The following AK9 variants were observed in gnomAD, a reference collection of about 807,000 sequenced individuals.
The protein encoded by AK9 is adenylate kinase domain containing 1.
Under a neutral mutation model 239.6 loss-of-function variants are expected in AK9, and 191 were observed. That is an observed-to-expected ratio of 0.80 (90% CI 0.71 to 0.90). The LOEUF is 0.90. AK9 is among the 40% of genes least tolerant of loss of function. AK9 has a pLI of 0.00. For synonymous variants in AK9, 689 were observed against 721.0 expected, an observed-to-expected ratio of 0.96 and a Z score of 0.71; for missense variants, 1,995 against 2,214.7, an observed-to-expected ratio of 0.90 and a Z score of 1.99.
intron 19 of AK9, among the ~76,000 whole-genome samples, chr6:109,583,162 T>C (rs1357948958): frequency 6.6e-6 from 1 of 152,166 alleles, no homozygotes; most frequent in Non-Finnish European, 1.5e-5. Flanking sequence ...ATTTCCAAGC[T>C]ATGCCTGTAC....
intron 5 of AK9, 139 bp downstream of exon 5, chr6:109,671,780 G>T: frequency 1.5e-6 from 1 of 662,838 alleles, no homozygotes; most frequent in Non-Finnish European, 2.6e-6. Context: ...AACCATCTGA[G>T]CTGTTCAACT....
Position 109,516,030 on chromosome 6 carries a change from C to A in AK9, c.3892G>T (p.Ala1298Ser). The A allele has an allele frequency of 6.4e-7, 1 of 1,551,222 alleles. No homozygotes were observed. Among genetic ancestry groups the A allele is most frequent in the Non-Finnish European group, 8.7e-7 (1 of 1,146,630 alleles). Residue 1298 changes from alanine to serine, a missense_variant, in exon 31 of 41, where the codon GCT becomes TCT. Coordinates refer to ENST00000424296, the MANE Select transcript of AK9 (RefSeq NM_001145128.3). ...TATTGTACAATGTGATTTCTCCGAG[C>A]TCCATTAATGGAAATTATTGGTATC... ...YLIPIISINGARRNHIVQYTL... is the reference protein window; with the variant it reads ...YLIPIISINGSRRNHIVQYTL...
In AK9 at chr6:109,495,407, T is replaced by G. The variant is rs1359995946; in HGVS notation, c.5349A>C (p.Pro1783=). The change falls in exon 39 of 41, where the codon CCA becomes CCC. Residue 1783 remains proline (P), a synonymous_variant. Transcript: ENST00000424296. The part of the protein sequence containing the change: ...SPLKYWEQKL[P]HKLPPLREPI... The stretch of plus-strand genomic sequence containing the variant: ...GTTCCCTTAATGGGGGAAGCTTGTG[T>G]GGAAGCTTCTGTTCCCAGTATTTCA... 6.2e-7 allele frequency: 1 copy of G among 1,613,652 alleles called. No homozygotes were observed. The highest frequency in any genetic ancestry group is 1.7e-5 in the Admixed American group (1 of 59,870).
chr6:109,532,282 T>TCCCTGTACCTTCCTC (rs1781376990), intron 28 of AK9, among the ~76,000 whole-genome samples: 1 of 152,206 alleles, frequency 6.6e-6, no homozygotes, highest in African/African-American at 2.4e-5. Flanking sequence ...AAATATACTT[T>TCCCTGTACCTTCCTC]CCCTGTACCT....
At chr6:109,635,113 A>AT (rs2128277673) in intron 10 of AK9, among the ~76,000 whole-genome samples, 1 of 152,274 alleles carries the variant, frequency 6.6e-6, no homozygotes, top group East Asian at 1.9e-4. Flanking sequence ...CAGTAGAAGA[A>AT]TAAAAAAAAA....
In AK9 at chr6:109,677,165, A is replaced by C. The variant is rs921425986; in HGVS notation, c.-11-1409T>G. ...ACTATGCTTATTATCTGAGTGATGAAATAATCTGTGCACCAAACTCCTATG... is the reference window on the plus strand; with the variant it reads ...ACTATGCTTATTATCTGAGTGATGACATAATCTGTGCACCAAACTCCTATG... On this transcript the variant is annotated intron_variant, in intron 1 of 40. Transcript: ENST00000424296. 2.0e-5 allele frequency among the ~76,000 whole-genome samples: 3 copies of C among 152,270 alleles called. No individual in the cohort carries two copies. In the South Asian group the frequency reaches 6.2e-4, roughly 32 times the overall value.
rs1771404227 is a variant in AK9 at position 109,674,431 on chromosome 6, A to C, written c.118-170T>G. 2.0e-5 allele frequency among the ~76,000 whole-genome samples: 3 copies of C among 152,174 alleles called. No homozygotes were observed. In the South Asian group the frequency reaches 6.2e-4, roughly 31 times the overall value. The stretch of plus-strand genomic sequence containing the variant: ...GATACGTATAGTTTAGTTTTTCTTT[A>C]CTAATTTTTGCATATGTCACATCTC... On this transcript the variant is annotated intron_variant, in intron 2 of 40. Coordinates refer to ENST00000424296, the MANE Select transcript of AK9 (RefSeq NM_001145128.3).
chr6:109,537,298 T>C (rs558221777), intron 27 of AK9, among the ~76,000 whole-genome samples: 1 of 152,228 alleles, frequency 6.6e-6, no homozygotes, highest in African/African-American at 2.4e-5. Flanking sequence ...TATTGGGTGA[T>C]TCAGGGATTC....
intron 12 of AK9, among the ~76,000 whole-genome samples, chr6:109,628,560 T>A (rs1795794122): frequency 6.6e-6 from 1 of 152,214 alleles, no homozygotes; most frequent in Non-Finnish European, 1.5e-5. Context: ...ATTTAAAGAT[T>A]CTTAAAAAGA....
At position 109,619,238 on chromosome 6, in the gene AK9, T is replaced by C; in HGVS notation, c.1255-2A>G. 1 of 1,537,610 alleles carries C rather than the reference T, an allele frequency of 6.5e-7. No individual in the cohort carries two copies. The highest frequency in any genetic ancestry group is 8.7e-7 in the Non-Finnish European group (1 of 1,143,114). On this transcript the variant is annotated splice_acceptor_variant, in intron 12 of 40. Transcript: ENST00000424296. LOFTEE classifies it high-confidence loss of function. Reference sequence around the variant, plus strand: ...AACAAGTTGGGCATAGTCGACTACCTGCAAAGAATATTTGAGAAAATCGAC... The same window carrying C: ...AACAAGTTGGGCATAGTCGACTACCCGCAAAGAATATTTGAGAAAATCGAC...
chr6:109,531,207 C>CAAAATGGAGTTTTA (rs1781202427), intron 28 of AK9, among the ~76,000 whole-genome samples: 1 of 152,044 alleles, frequency 6.6e-6, no homozygotes, highest in South Asian at 2.1e-4. Flanking sequence ...GTGGCTTGAT[C>CAAAATGGAGTTTTA]AAAATGGAGT....
intron 1 of AK9, among the ~76,000 whole-genome samples, chr6:109,684,575 C>A (rs1229985478): frequency 6.6e-6 from 1 of 151,370 alleles, no homozygotes; most frequent in Non-Finnish European, 1.5e-5. Context: ...ACAACCCCAT[C>A]AAAAAGTAGG....
chr6:109,578,453 T>C (rs1788407927), intron 20 of AK9, among the ~76,000 whole-genome samples: 1 of 152,214 alleles, frequency 6.6e-6, no homozygotes, highest in South Asian at 2.1e-4. Context: ...CAATTTTGCT[T>C]ATCTTTTCAA....
chr6:109,559,369 G>T (rs1314578479), intron 24 of AK9, among the ~76,000 whole-genome samples: 1 of 151,802 alleles, frequency 6.6e-6, no homozygotes, highest in Admixed American at 6.6e-5. Context: ...GGGTTTCACC[G>T]TGTTAGCCAG....
At chr6:109,599,623 T>C (rs1791616033) in intron 17 of AK9, among the ~76,000 whole-genome samples, 1 of 152,138 alleles carries the variant, frequency 6.6e-6, no homozygotes, top group South Asian at 2.1e-4. Flanking sequence ...AAGTCATTGG[T>C]AGCTTGATGG....
At chr6:109,516,782 G>C (rs1421408077) in intron 29 of AK9, 140 bp from the exon 30 acceptor site, 1 of 732,866 alleles carries the variant, frequency 1.4e-6, no homozygotes. Context: ...AACGCAATAA[G>C]GTTTTAAATA....
intron 9 of AK9, 85 bp downstream of exon 9, chr6:109,644,529 T>C (rs1797805519): frequency 8.5e-7 from 1 of 1,171,652 alleles, no homozygotes; most frequent in African/African-American, 1.6e-5. Context: ...ATAAATATGC[T>C]TCTGTTTATT....
intron 1 of AK9, among the ~76,000 whole-genome samples, chr6:109,677,282 T>A (rs1771897971): frequency 6.6e-6 from 1 of 152,154 alleles, no homozygotes; most frequent in South Asian, 2.1e-4. Flanking sequence ...AAATATTTTT[T>A]AAAAATAGTA....
At chr6:109,497,326 TCA>T (rs141968479) in intron 38 of AK9, 137 bp downstream of exon 38, 38,415 of 408,888 alleles carry the variant, frequency 0.094, 386 homozygotes, top group Non-Finnish European at 0.11. Context: ...CAGTGCTTGT[TCA>T]CACACACACA....
Sources: allele counts gnomAD v4.1 joint callset (sites outside exome capture counted in the v4.1 genomes callset), GRCh38; gene constraint gnomAD v4.1.1; transcripts MANE v1.5; gene names NCBI Gene and HGNC (gene_info 2026-07-23, HGNC 2026-07-21).